The following RFT1 variants were observed in gnomAD, a reference collection of about 807,000 sequenced individuals.
RFT1 encodes the protein man(5)GlcNAc(2)-PP-dolichol translocation protein RFT1.
A neutral mutation model predicts 62.2 loss-of-function variants in RFT1; 43 were observed. That is an observed-to-expected ratio of 0.69 (90% CI 0.54 to 0.89). The LOEUF (loss-of-function observed/expected upper bound fraction) is 0.89, where lower values mean the gene tolerates loss of function less well. RFT1 is among the 40% of genes least tolerant of loss of function. The pLI, the probability that RFT1 is intolerant of heterozygous loss-of-function variation, is 0.00. For missense variants in RFT1, 605 were observed against 649.9 expected (o/e 0.93, Z 0.75); for synonymous variants, 262 against 264.6 (o/e 0.99, Z 0.10).
At chr3:53,085,472 C>T (rs1310812584), downstream of RFT1, among the ~76,000 whole-genome samples, 2 of 152,224 alleles carry the variant, frequency 1.3e-5, no homozygotes, top group Non-Finnish European at 2.9e-5. Context: ...AATTTACTGG[C>T]TCCGAAATAG....
intron 10 of RFT1, among the ~76,000 whole-genome samples, chr3:53,102,485 G>C (rs1701345776): frequency 6.6e-6 from 1 of 152,122 alleles, no homozygotes; most frequent in Non-Finnish European, 1.5e-5. Context: ...TGTGGGTTTT[G>C]CTTAAGGATA....
At chr3:53,111,948 G>A (rs938657071) in intron 6 of RFT1, 40 bp from the exon 7 acceptor site, 15 of 1,501,788 alleles carry the variant, frequency 1.0e-5, no homozygotes, top group South Asian at 5.6e-5. Flanking sequence ...CATCACAGGC[G>A]TTGCAAGTCT....
chr3:53,126,378 T>A (rs935663192), intron 1 of RFT1, among the ~76,000 whole-genome samples: 1 of 152,224 alleles, frequency 6.6e-6, no homozygotes, highest in African/African-American at 2.4e-5. Flanking sequence ...CCAGCCTGTT[T>A]AGAAATAGCA....
At position 53,122,557 on chromosome 3, in the gene RFT1, G is replaced by C. The variant is rs750076783; in HGVS notation, c.273C>G (p.Pro91=). ...QTLNLLWLTV[P]LGVFWSLFLG... ...GGAATAAGGACCAAAACACACCCAG[G>C]GGGACTCTAGAAGAGGAGAAAAAAA... The change falls in exon 4 of 13, where the codon CCC becomes CCG. Residue 91 remains proline (P), a synonymous_variant. Transcript: ENST00000296292. 4 of 1,604,836 alleles carry C rather than the reference G, an allele frequency of 2.5e-6. No individual in the cohort carries two copies. Among genetic ancestry groups the C allele is most frequent in the Non-Finnish European group, 3.4e-6 (4 of 1,174,710 alleles).
intron 1 of RFT1, among the ~76,000 whole-genome samples, chr3:53,129,970 G>T (rs983638251): frequency 6.6e-6 from 1 of 152,210 alleles, no homozygotes; most frequent in African/African-American, 2.4e-5. Flanking sequence ...AAAGTTTGAG[G>T]AAGGTGTTTG....
chr3:53,116,848 C>A (rs1238677362), intron 6 of RFT1, among the ~76,000 whole-genome samples: 1 of 152,178 alleles, frequency 6.6e-6, no homozygotes, highest in Non-Finnish European at 1.5e-5. Flanking sequence ...AAGTGATCTG[C>A]CCGCTCAGCC....
intron 9 of RFT1, among the ~76,000 whole-genome samples, chr3:53,104,384 T>C (rs1348764804): frequency 6.6e-6 from 1 of 150,990 alleles, no homozygotes; most frequent in Non-Finnish European, 1.5e-5. Context: ...CTGATATTTG[T>C]TCTTTTTTTT....
chr3:53,090,688 G>T lies in RFT1; in HGVS notation c.*1215C>A, dbSNP rs551922839. The T allele has an allele frequency of 2.6e-5, 4 of 152,330 alleles. No homozygotes were observed. Among genetic ancestry groups the T allele is most frequent in the African/African-American group, 9.6e-5 (4 of 41,562 alleles). 9.4% of individuals were successfully genotyped at this position (152,330 alleles called of 1,614,324 possible). On this transcript the variant is annotated 3_prime_UTR_variant, in exon 13 of 13. Transcript: ENST00000296292. ...ACACAGAAGGTTTGGGGCACTGAGT[G>T]ACAGGATTATTAACATCCAAGTTAT... is the stretch of plus-strand genomic sequence containing the variant.
At chr3:53,070,321 G>A in the RFT1 span, among the ~76,000 whole-genome samples, 1 of 151,736 alleles carries the variant, frequency 6.6e-6, no homozygotes, top group Non-Finnish European at 1.5e-5. Flanking sequence ...AGGTCAAGGT[G>A]GGAGGATTGC....
At chr3:53,098,071 T>G (rs1429821399) in intron 11 of RFT1, among the ~76,000 whole-genome samples, 3 of 152,186 alleles carry the variant, frequency 2.0e-5, no homozygotes, top group African/African-American at 7.2e-5. Context: ...CTGGGGTACT[T>G]CCTGCCTTGT....
At chr3:53,096,310 AAAC>A (rs1701136590) in intron 11 of RFT1, among the ~76,000 whole-genome samples, 2 of 152,116 alleles carry the variant, frequency 1.3e-5, no homozygotes, top group Non-Finnish European at 2.9e-5. Context: ...AGCCTTAACA[AAAC>A]AACAAAAATT....
chr3:53,130,241 C>A, intron 1 of RFT1, 97 bp downstream of exon 1: 1 of 1,254,032 alleles, frequency 8.0e-7, no homozygotes, highest in South Asian at 1.3e-5. Flanking sequence ...CACCTCGGGA[C>A]TGGGTCGGCC....
In RFT1 at chr3:53,090,084, C is replaced by G. The variant is rs1306336278; in HGVS notation, c.*1819G>C. ...CAGAAAAGCCAATCTCAGAGCCCTC[C>G]TCCTGGGAGACACAGACCCTGAAGG... On this transcript the variant is annotated 3_prime_UTR_variant, in exon 13 of 13. Coordinates refer to ENST00000296292, the MANE Select transcript of RFT1 (RefSeq NM_052859.4). 1 of 152,734 alleles carries G rather than the reference C, an allele frequency of 6.5e-6. No individual in the cohort carries two copies. The highest frequency in any genetic ancestry group is 1.5e-5 in the Non-Finnish European group (1 of 68,082). The allele number at this position is 152,734 out of a possible 1,614,324, so 9.5% of individuals were successfully genotyped here.
At position 53,092,417 on chromosome 3, in the gene RFT1, G is replaced by A; in HGVS notation, c.1410C>T (p.Val470=). 1 of 1,608,856 alleles carries A rather than the reference G, an allele frequency of 6.2e-7. No individual in the cohort carries two copies. Among genetic ancestry groups the A allele is most frequent in the Non-Finnish European group, 8.5e-7 (1 of 1,178,016 alleles). The change falls in exon 12 of 13, where the codon GTC becomes GTT. Residue 470 remains valine, a synonymous_variant. Transcript: ENST00000296292. ...RPLAGLHLSP[V]LLGTFALSGG... is the part of the protein sequence containing the mutation. ...CACTGAGGGCAAATGTCCCGAGCAG[G>A]ACTGGCGATAGGTGCAGGCCAGCCA...
At chr3:53,123,975 C>T in intron 2 of RFT1, 135 bp from the exon 3 acceptor site, 1 of 701,778 alleles carries the variant, frequency 1.4e-6, no homozygotes, top group Non-Finnish European at 2.5e-6. Flanking sequence ...GCAGTGGGCT[C>T]TTACAGGACC....
intron 5 of RFT1, among the ~76,000 whole-genome samples, chr3:53,120,966 T>C (rs775283789): frequency 7.9e-5 from 12 of 152,234 alleles, no homozygotes; most frequent in Non-Finnish European, 2.9e-5. Context: ...CTGATGCCAG[T>C]GTCCTCTGTG....
At chr3:53,127,427 C>T (rs1383990666) in intron 1 of RFT1, among the ~76,000 whole-genome samples, 3 of 151,960 alleles carry the variant, frequency 2.0e-5, no homozygotes, top group Admixed American at 6.6e-5. Context: ...CTTAGCTGGG[C>T]GCAGTGGCTC....
chr3:53,118,343 G>A (rs920205415), intron 6 of RFT1, among the ~76,000 whole-genome samples: 2 of 152,136 alleles, frequency 1.3e-5, no homozygotes, highest in Non-Finnish European at 2.9e-5. Context: ...CTAGGCAAGA[G>A]AAGCGATCCT....
intron 10 of RFT1, among the ~76,000 whole-genome samples, chr3:53,101,384 G>A (rs935918811): frequency 6.6e-6 from 1 of 152,194 alleles, no homozygotes; most frequent in Non-Finnish European, 1.5e-5. Flanking sequence ...AAGCAGAGAA[G>A]AGTGGGGGGC....
Sources: allele counts gnomAD v4.1 joint callset (sites outside exome capture counted in the v4.1 genomes callset), GRCh38; gene constraint gnomAD v4.1.1; transcripts MANE v1.5; gene names NCBI Gene and HGNC (gene_info 2026-07-23, HGNC 2026-07-21).